ICAM3: variants seen among roughly 807,000 people sequenced by gnomAD.
ICAM3 encodes the protein ICAM-3.
A neutral mutation model predicts 43.6 loss-of-function variants in ICAM3; 54 were observed. The ratio of observed to expected loss-of-function variants is 1.24; its 90% CI spans 0.99 to 1.55. The LOEUF (loss-of-function observed/expected upper bound fraction) is 1.55. Among genes scored for constraint, ICAM3 ranks in the 40% most tolerant of loss-of-function variants. The probability of loss-of-function intolerance (pLI) is 0.00; values close to 1 mark genes in which losing one functional copy is unlikely to be tolerated. For synonymous variants in ICAM3, 306 were observed against 312.6 expected, an observed-to-expected ratio of 0.98 and a Z score of 0.22; for missense variants, 715 against 717.9, an observed-to-expected ratio of 1.00 and a Z score of 0.05.
chr19:10,335,482 G>T, intron 3 of ICAM3, 129 bp from the exon 4 acceptor site: 1 of 1,121,926 alleles, frequency 8.9e-7, no homozygotes, highest in Non-Finnish European at 1.2e-6. Context: ...ACAGGGCCAT[G>T]AAAACGGCCT....
In ICAM3 at chr19:10,334,901, C is replaced by T. The variant is rs531924742; in HGVS notation, c.938-119G>A. 2.1e-6 allele frequency: 3 copies of T among 1,458,554 alleles called. No individual in the cohort carries two copies. In the South Asian group the frequency reaches 4.1e-5, roughly 20 times the overall value. 90.4% of individuals were successfully genotyped at this position (1,458,554 alleles called of 1,614,324 possible). On this transcript the variant is annotated intron_variant, in intron 4 of 6. Coordinates refer to ENST00000160262, the MANE Select transcript of ICAM3 (RefSeq NM_002162.5). This position sits in a 1 kb window ranked among gnomAD's most constrained non-coding sequence, Gnocchi z 5.5. ...CGGGCCACGCTTTCGGCCGTTCAAG[C>T]CTCGCCCTCTTTCCGCGCTGTGTCC... is the stretch of plus-strand genomic sequence containing the variant.
chr19:10,334,878 G>A lies in ICAM3; in HGVS notation c.938-96C>T. 1 of 1,483,954 alleles carries A rather than the reference G, an allele frequency of 6.7e-7. No homozygotes were observed. Among genetic ancestry groups the A allele is most frequent in the Non-Finnish European group, 9.0e-7 (1 of 1,107,876 alleles). 91.9% of individuals were successfully genotyped at this position (1,483,954 alleles called of 1,614,324 possible). A position where few individuals can be genotyped will look rare whatever the true frequency, so the allele number is the denominator to read the frequency against. The stretch of plus-strand genomic sequence containing the variant: ...CTCCCCTTTCCTCTCGGGATATCCG[G>A]GCCACGCTTTCGGCCGTTCAAGCCT... On this transcript the variant is annotated intron_variant, in intron 4 of 6. Transcript: ENST00000160262. The surrounding 1 kb of genome is among the most constrained non-coding windows in gnomAD (Gnocchi z 5.5).
rs766001642 is a variant in ICAM3, at chr19:10,335,301, TTCCACC to T, written c.696_701del (p.Val233_Glu234del). The T allele has an allele frequency of 3.7e-6, 6 of 1,612,478 alleles. No individual in the cohort carries two copies. Among genetic ancestry groups the T allele is most frequent in the Non-Finnish European group, 5.1e-6 (6 of 1,179,822 alleles). On this transcript the variant is annotated inframe_deletion, in exon 4 of 7. Coordinates refer to ENST00000160262, the MANE Select transcript of ICAM3 (RefSeq NM_002162.5). ...GGGTGCAGTCCACCGGCCACGACGT[TTCCACC>T]TCCAAGAACCGGGGGGCCACGAGGC...
intron 2 of ICAM3, among the ~76,000 whole-genome samples, chr19:10,338,291 C>A (rs1238906842): frequency 1.3e-5 from 2 of 151,164 alleles, no homozygotes; most frequent in Non-Finnish European, 2.9e-5. Flanking sequence ...TAATCTCAGC[C>A]ACTCGGGAGG....
intron 1 of ICAM3, chr19:10,339,318 G>T (rs1360512152): frequency 8.5e-6 from 5 of 590,406 alleles, no homozygotes; most frequent in Non-Finnish European, 1.5e-5. Flanking sequence ...TGAGGGGTGT[G>T]TGTGTGTGTG....
Position 10,334,864 on chromosome 19 carries a change from T to C in ICAM3, c.938-82A>G. ...CCGCTCCCTCCGCCCTCCCCTTTCC[T>C]CTCGGGATATCCGGGCCACGCTTTC... is the stretch of plus-strand genomic sequence containing the variant. On this transcript the variant is annotated intron_variant, in intron 4 of 6. Coordinates refer to ENST00000160262, the MANE Select transcript of ICAM3 (RefSeq NM_002162.5). The surrounding 1 kb of genome is among the most constrained non-coding windows in gnomAD (Gnocchi z 5.5). The C allele has an allele frequency of 6.7e-7, 1 of 1,494,512 alleles. No homozygotes were observed. The highest frequency in any genetic ancestry group is 9.0e-7 in the Non-Finnish European group (1 of 1,114,974). 92.6% of individuals were successfully genotyped at this position (1,494,512 alleles called of 1,614,324 possible).
chr19:10,339,027 C>A lies in ICAM3; in HGVS notation c.77-79G>T, dbSNP rs765670339. The A allele has an allele frequency of 1.5e-5, 22 of 1,468,128 alleles. No homozygotes were observed. The Middle Eastern group carries it at 7.1e-4, about 48-fold the overall frequency. 90.9% of individuals were successfully genotyped at this position (1,468,128 alleles called of 1,614,324 possible). On this transcript the variant is annotated intron_variant, in intron 1 of 6. Transcript: ENST00000160262. The stretch of plus-strand genomic sequence containing the variant: ...CATCAACAGGCCCCACCATTTAACA[C>A]CTCTCTCCTTGTGCCGAGACAGAAG...
At chr19:10,337,817 G>A (rs969628379) in intron 2 of ICAM3, among the ~76,000 whole-genome samples, 2 of 152,064 alleles carry the variant, frequency 1.3e-5, no homozygotes, top group African/African-American at 4.8e-5. Context: ...TTGTAGAGAC[G>A]GGGTGTCCCT....
chr19:10,335,828 C>T lies in ICAM3; in HGVS notation c.492G>A (p.Gln164=). ...LLRWEEELSR[Q]PAVEEPAEVT... is the part of the protein sequence containing the mutation. ...CCTCCGCTGGCTCCTCCACTGCGGGCTGCCGGCTCAGCTCCTCCTCCCAGC... is the reference window on the plus strand; with the variant it reads ...CCTCCGCTGGCTCCTCCACTGCGGGTTGCCGGCTCAGCTCCTCCTCCCAGC... The change falls in exon 3 of 7, where the codon CAG becomes CAA. Residue 164 remains glutamine, a synonymous_variant. Coordinates refer to ENST00000160262, the MANE Select transcript of ICAM3 (RefSeq NM_002162.5). 1 of 1,612,278 alleles carries T rather than the reference C, an allele frequency of 6.2e-7. No individual in the cohort carries two copies. Among genetic ancestry groups the T allele is most frequent in the Non-Finnish European group, 8.5e-7 (1 of 1,179,870 alleles).
chr19:10,336,937 C>T (rs1167884236), intron 2 of ICAM3, among the ~76,000 whole-genome samples: 1 of 151,334 alleles, frequency 6.6e-6, no homozygotes, highest in African/African-American at 2.4e-5. Context: ...TGGCAAAACC[C>T]TGTCTCTACT....
chr19:10,339,511 C>T, intron 1 of ICAM3, 28 bp downstream of exon 1: 1 of 1,607,986 alleles, frequency 6.2e-7, no homozygotes, highest in Non-Finnish European at 8.5e-7. Context: ...CAGCCCTCTC[C>T]AGCCCTCCCC....
intron 1 of ICAM3, 181 bp downstream of exon 1, chr19:10,339,358 T>C (rs565492952): frequency 1.7e-6 from 1 of 605,828 alleles, no homozygotes; most frequent in Non-Finnish European, 2.9e-6. Context: ...TACAAGCCTA[T>C]GCTGGGGCCT....
intron 1 of ICAM3, 69 bp from the exon 2 acceptor site, chr19:10,339,017 C>A: frequency 6.7e-7 from 1 of 1,497,284 alleles, no homozygotes; most frequent in South Asian, 1.2e-5. Flanking sequence ...ACAGGCCCCA[C>A]CATTTAACAC....
rs1048846934 is a variant in ICAM3 at position 10,334,649 on chromosome 19, T to C, written c.1071A>G (p.Pro357=). ...DGVPAAAPGQ[P]AQLQLNATES... ...CGGTAGCATTTAGCTGAAGTTGAGC[T>C]GGCTGCCCCGGGGCCGCGGCCGGAA... The change falls in exon 5 of 7, where the codon CCA becomes CCG. Residue 357 remains proline (P), a synonymous_variant. Transcript: ENST00000160262. The surrounding 1 kb of genome is among the most constrained non-coding windows in gnomAD (Gnocchi z 5.5). The C allele has an allele frequency of 1.9e-6, 3 of 1,613,432 alleles. No individual in the cohort carries two copies. Among genetic ancestry groups the C allele is most frequent in the Non-Finnish European group, 2.5e-6 (3 of 1,179,996 alleles).
chr19:10,339,192 C>T, intron 1 of ICAM3: 1 of 591,436 alleles, frequency 1.7e-6, no homozygotes, highest in Non-Finnish European at 3.0e-6. Flanking sequence ...GGGACCATTG[C>T]AGCCCGAAAC....
intron 1 of ICAM3, 196 bp downstream of exon 1, chr19:10,339,343 T>C: frequency 1.7e-6 from 1 of 594,186 alleles, no homozygotes; most frequent in Non-Finnish European, 3.0e-6. Flanking sequence ...GGGAGAGGGA[T>C]GGCGTACAAG....
chr19:10,334,881 C>T lies in ICAM3; in HGVS notation c.938-99G>A, dbSNP rs957524082. ...CCCTTTCCTCTCGGGATATCCGGGCCACGCTTTCGGCCGTTCAAGCCTCGC... is the reference window on the plus strand; with the variant it reads ...CCCTTTCCTCTCGGGATATCCGGGCTACGCTTTCGGCCGTTCAAGCCTCGC... On this transcript the variant is annotated intron_variant, in intron 4 of 6. Coordinates refer to ENST00000160262, the MANE Select transcript of ICAM3 (RefSeq NM_002162.5). This position sits in a 1 kb window ranked among gnomAD's most constrained non-coding sequence, Gnocchi z 5.5. 4.7e-6 allele frequency: 7 copies of T among 1,479,948 alleles called. No homozygotes were observed. The South Asian group carries it at 5.4e-5, about 11-fold the overall frequency. The allele number at this position is 1,479,948 out of a possible 1,614,324, so 91.7% of individuals were successfully genotyped here. A position where few individuals can be genotyped will look rare whatever the true frequency, so the allele number is the denominator to read the frequency against.
rs371092145 is a variant in ICAM3 at position 10,334,033 on chromosome 19, A to T, written c.1468T>A (p.Phe490Ile). 1 of 1,613,994 alleles carries T rather than the reference A, an allele frequency of 6.2e-7. No homozygotes were observed. The highest frequency in any genetic ancestry group is 1.3e-5 in the African/African-American group (1 of 74,906). The part of the protein sequence containing the change: ...EAGSSHFVPV[F>I]VAVLLTLGVV... ...CCCAGGGTCAGTAACACCGCCACGA[A>T]GACGGGGACAAAGTGGGAGCTCCCA... is the stretch of plus-strand genomic sequence containing the variant. Residue 490 changes from phenylalanine to isoleucine, a missense_variant, in exon 7 of 7, where the codon TTC becomes ATC. Phe to Ile is a conservative substitution (Grantham distance 21). Transcript: ENST00000160262. This position sits in a 1 kb window ranked among gnomAD's most constrained non-coding sequence, Gnocchi z 5.5.
intron 2 of ICAM3, among the ~76,000 whole-genome samples, chr19:10,336,861 C>T (rs542285625): frequency 1.6e-4 from 23 of 147,240 alleles, no homozygotes; most frequent in Admixed American, 1.2e-3. Context: ...TGTAATCCCA[C>T]CACTTTGGGA....
Sources: allele counts gnomAD v4.1 joint callset (sites outside exome capture counted in the v4.1 genomes callset), GRCh38; gene constraint gnomAD v4.1.1; non-coding constraint Gnocchi (gnomAD v3.1); transcripts MANE v1.5; gene names NCBI Gene and HGNC (gene_info 2026-07-23, HGNC 2026-07-21).